The following ITGA8 variants were observed in gnomAD, a reference collection of about 807,000 sequenced individuals.
The protein encoded by ITGA8 is integrin subunit alpha 8, also known as integrin alpha-8.
In ITGA8, 91 loss-of-function variants were observed where a neutral mutation model predicts 142.3. That is an observed-to-expected ratio of 0.64 (90% CI 0.54 to 0.76). ITGA8 has a LOEUF of 0.76. Among genes scored for constraint, ITGA8 ranks in the 30% least tolerant of loss-of-function variants. The pLI is 0.00. For missense variants in ITGA8, 1,406 were observed against 1,327.7 expected, an observed-to-expected ratio of 1.06 and a Z score of -0.92; for synonymous variants, 505 against 485.2, an observed-to-expected ratio of 1.04 and a Z score of -0.54.
chr10:15,546,653 G>T (rs73598793), intron 27 of ITGA8, among the ~76,000 whole-genome samples: 1 of 151,484 alleles, frequency 6.6e-6, no homozygotes, highest in African/African-American at 2.4e-5. Flanking sequence ...ATAGTGCAGA[G>T]ATTGAGAAAC....
chr10:15,621,274 G>T (rs538488190), intron 13 of ITGA8, among the ~76,000 whole-genome samples: 1 of 150,614 alleles, frequency 6.6e-6, no homozygotes. Context: ...ATTGCCTCAC[G>T]TTGCCTGAGA....
At chr10:15,532,445 A>AAAAAAAAAAAAAAAC (rs1833328713) in intron 27 of ITGA8, among the ~76,000 whole-genome samples, 2 of 129,864 alleles carry the variant, frequency 1.5e-5, no homozygotes, top group Admixed American at 8.0e-5. Flanking sequence ...AAAAAAAAAA[A>AAAAAAAAAAAAAAAC]AGCCTCTAGT....
chr10:15,642,200 T>A (rs1439125269), intron 13 of ITGA8, among the ~76,000 whole-genome samples: 1 of 152,212 alleles, frequency 6.6e-6, no homozygotes, highest in Non-Finnish European at 1.5e-5. Context: ...CCTTTTCCCT[T>A]CCTGCTGCTT....
At chr10:15,544,239 A>C (rs572238281) in intron 27 of ITGA8, among the ~76,000 whole-genome samples, 1 of 152,238 alleles carries the variant, frequency 6.6e-6, no homozygotes, top group African/African-American at 2.4e-5. Flanking sequence ...TCAAGGCTGC[A>C]GTGAGTTATG....
chr10:15,572,468 T>C, intron 24 of ITGA8, 99 bp from the exon 25 acceptor site: 1 of 1,154,118 alleles, frequency 8.7e-7, no homozygotes, highest in Admixed American at 2.2e-5. Context: ...GCATGTATTA[T>C]TGGTTTTAAG....
chr10:15,675,939 C>A (rs536084240), intron 6 of ITGA8, among the ~76,000 whole-genome samples: 1 of 152,016 alleles, frequency 6.6e-6, no homozygotes, highest in Non-Finnish European at 1.5e-5. Context: ...TTGTATCCTA[C>A]GTTTTTTCAA....
intron 8 of ITGA8, among the ~76,000 whole-genome samples, chr10:15,666,883 G>A (rs1834404690): frequency 1.3e-5 from 2 of 152,196 alleles, no homozygotes; most frequent in Non-Finnish European, 2.9e-5. Flanking sequence ...TGATCATGGT[G>A]GATAAGCTTT....
At chr10:15,558,910 C>T (rs1454030739) in intron 25 of ITGA8, among the ~76,000 whole-genome samples, 4 of 152,132 alleles carry the variant, frequency 2.6e-5, no homozygotes, top group Non-Finnish European at 5.9e-5. Flanking sequence ...CACAGAATAT[C>T]GCATTAACAT....
intron 27 of ITGA8, among the ~76,000 whole-genome samples, chr10:15,537,576 C>G (rs1029048155): frequency 3.9e-5 from 6 of 152,178 alleles, no homozygotes; most frequent in African/African-American, 1.4e-4. Flanking sequence ...GAAGATGTAA[C>G]TTTCACTCAA....
intron 27 of ITGA8, among the ~76,000 whole-genome samples, chr10:15,547,738 A>C (rs757810777): frequency 6.6e-6 from 1 of 152,186 alleles, no homozygotes; most frequent in Non-Finnish European, 1.5e-5. Context: ...CTGCAGGACC[A>C]CTTGACAAGA....
At chr10:15,538,527 A>C (rs35675936) in intron 27 of ITGA8, among the ~76,000 whole-genome samples, 1,555 of 149,476 alleles carry the variant, frequency 0.01, 38 homozygotes, top group African/African-American at 0.038. Context: ...AAAAAAAAAA[A>C]AAAACTATAG....
At position 15,718,999 on chromosome 10, in the gene ITGA8, G is replaced by A; in HGVS notation, c.210-100C>T. The A allele has an allele frequency of 3.9e-6, 6 of 1,547,472 alleles. No homozygotes were observed. The South Asian group carries it at 6.9e-5, about 18-fold the overall frequency. On this transcript the variant is annotated intron_variant, in intron 1 of 29. Coordinates refer to ENST00000378076, the MANE Select transcript of ITGA8 (RefSeq NM_003638.3). ...CCTGCCCGGGGACACTGGGGCAGGC[G>A]TGGAGGGCATGAACGTATTTATGAT...
At chr10:15,538,506 C>T (rs7096591) in intron 27 of ITGA8, among the ~76,000 whole-genome samples, 9,104 of 99,098 alleles carry the variant, frequency 0.092, 1,022 homozygotes, top group African/African-American at 0.29. Context: ...AGTGAGACTC[C>T]GTCTCGAAAA....
chr10:15,598,989 C>T (rs2131602771), intron 20 of ITGA8, among the ~76,000 whole-genome samples: 1 of 152,256 alleles, frequency 6.6e-6, no homozygotes, highest in Admixed American at 6.5e-5. Context: ...ATTATTAACT[C>T]AGTCATGAAA....
At chr10:15,625,507 G>A (rs1346646539) in intron 13 of ITGA8, among the ~76,000 whole-genome samples, 1 of 152,218 alleles carries the variant, frequency 6.6e-6, no homozygotes, top group African/African-American at 2.4e-5. Flanking sequence ...AGTGTCACTT[G>A]TATGTAGCTG....
At chr10:15,670,667 C>A (rs1203063336) in intron 8 of ITGA8, among the ~76,000 whole-genome samples, 1 of 152,138 alleles carries the variant, frequency 6.6e-6, no homozygotes, top group Non-Finnish European at 1.5e-5. Flanking sequence ...ACATAGGCAG[C>A]CAGTGTGATT....
chr10:15,594,184 G>T (rs1039239916), intron 21 of ITGA8, among the ~76,000 whole-genome samples: 2 of 151,860 alleles, frequency 1.3e-5, no homozygotes, highest in African/African-American at 2.4e-5. Flanking sequence ...TTTCTGTCAG[G>T]CTCTTCTCTC....
At chr10:15,600,252 A>G (rs530510169) in intron 20 of ITGA8, among the ~76,000 whole-genome samples, 1 of 147,572 alleles carries the variant, frequency 6.8e-6, no homozygotes, top group Non-Finnish European at 1.5e-5. Flanking sequence ...TAATGCTATT[A>G]AAAAAAAAAG....
At chr10:15,585,771 C>A (rs555241890) in intron 23 of ITGA8, among the ~76,000 whole-genome samples, 3 of 152,198 alleles carry the variant, frequency 2.0e-5, no homozygotes, top group East Asian at 1.9e-4. Flanking sequence ...CCTTTTCCCC[C>A]GTCTCTCAGT....
Sources: allele counts gnomAD v4.1 joint callset (sites outside exome capture counted in the v4.1 genomes callset), GRCh38; gene constraint gnomAD v4.1.1; transcripts MANE v1.5; gene names NCBI Gene and HGNC (gene_info 2026-07-23, HGNC 2026-07-21).